ZP2: variants seen among roughly 807,000 people sequenced by gnomAD.
ZP2 encodes the protein zona pellucida glycoprotein 2, also known as zona pellucida sperm-binding protein 2.
ZP2 carries 51 observed loss-of-function variants against 84.0 expected under a neutral mutation model. That is an observed-to-expected ratio of 0.61 (90% CI 0.49 to 0.77). The LOEUF is 0.77. ZP2 is among the 30% of genes least tolerant of loss of function. The pLI is 0.00. For synonymous variants in ZP2, 375 were observed against 330.9 expected (o/e 1.13, Z -1.45); for missense variants, 909 against 911.9 (o/e 1.00, Z 0.04).
At position 21,211,459 on chromosome 16, in the gene ZP2, C is replaced by G. The variant is rs575632349; in HGVS notation, c.62+27G>C. On this transcript the variant is annotated intron_variant, in intron 1 of 18. Coordinates refer to ENST00000574091, the MANE Select transcript of ZP2 (RefSeq NM_001376232.1). ...TTTAACAAACAAAGCTACCATACCC[C>G]CTCCCTCCACTTCCAGAATTACTCA... 2.4e-5 allele frequency: 38 copies of G among 1,613,880 alleles called. No individual in the cohort carries two copies. In the African/African-American group the frequency reaches 3.6e-4, roughly 15 times the overall value.
intron 17 of ZP2, 145 bp from the exon 18 acceptor site, chr16:21,197,994 T>C: frequency 1.4e-6 from 1 of 702,242 alleles, no homozygotes; most frequent in Non-Finnish European, 2.5e-6. Context: ...AATACACACT[T>C]AAGTTTGGCC....
intron 16 of ZP2, 27 bp downstream of exon 16, chr16:21,199,541 TCA>T: frequency 1.3e-6 from 2 of 1,535,132 alleles, no homozygotes; most frequent in South Asian, 1.3e-5. Context: ...TGAATTAGAC[TCA>T]CAGAAACAGG....
At position 21,206,783 on chromosome 16, in the gene ZP2, TCATATTCCCCCTGCAGTAGC is replaced by T. The variant is rs2093251680; in HGVS notation, c.483+35_483+54del. 5 of 1,607,910 alleles carry T rather than the reference TCATATTCCCCCTGCAGTAGC, an allele frequency of 3.1e-6. No individual in the cohort carries two copies. In the South Asian group the frequency reaches 5.5e-5, roughly 18 times the overall value. ...AAGCCCCGCCCTGGTTAGATCATCA[TCATATTCCCCCTGCAGTAGC>T]CATATACCCCGAGCAGTCAGCCCGT... is the stretch of plus-strand genomic sequence containing the variant. On this transcript the variant is annotated intron_variant, in intron 5 of 18. Coordinates refer to ENST00000574091, the MANE Select transcript of ZP2 (RefSeq NM_001376232.1).
At chr16:21,205,672 T>G in intron 6 of ZP2, 59 bp downstream of exon 6, 1 of 1,613,050 alleles carries the variant, frequency 6.2e-7, no homozygotes, top group Non-Finnish European at 8.5e-7. Context: ...AAAGGTAATA[T>G]CACCTTTAAC....
upstream of ZP2, among the ~76,000 whole-genome samples, chr16:21,211,929 A>ATTTT (rs35514328): frequency 2.6e-3 from 375 of 142,406 alleles, no homozygotes; most frequent in African/African-American, 8.8e-3. Context: ...ACACCACTAC[A>ATTTT]TTTTTTTTTT....
At position 21,205,749 on chromosome 16, in the gene ZP2, G is replaced by A. The variant is rs1373963993; in HGVS notation, c.510C>T (p.Gly170=). The part of the protein sequence containing the change: ...MSFSLPRVFS[G]LADDSKGTKV... ...TTCATACCTTACTGTCGTCAGCCAA[G>A]CCAGAGAAGACCCGTGGCAAGGAAA... The change falls in exon 6 of 19, where the codon GGC becomes GGT. Residue 170 remains glycine (G), a synonymous_variant. Coordinates refer to ENST00000574091, the MANE Select transcript of ZP2 (RefSeq NM_001376232.1). 1.9e-6 allele frequency: 3 copies of A among 1,614,032 alleles called. No homozygotes were observed. The highest frequency in any genetic ancestry group is 2.2e-5 in the South Asian group (2 of 91,072).
chr16:21,213,595 G>A (rs895640177), upstream of ZP2, among the ~76,000 whole-genome samples: 6 of 152,094 alleles, frequency 3.9e-5, no homozygotes, highest in South Asian at 2.1e-4. Flanking sequence ...TTTACTTAAC[G>A]AGCACCACAG....
intron 3 of ZP2, 131 bp downstream of exon 3, chr16:21,209,978 T>C: frequency 1.2e-6 from 1 of 822,282 alleles, no homozygotes; most frequent in Non-Finnish European, 2.0e-6. Flanking sequence ...AAATCAGGTA[T>C]CCCCATGGCA....
chr16:21,207,923 C>T (rs2093257937), intron 4 of ZP2, among the ~76,000 whole-genome samples: 2 of 151,362 alleles, frequency 1.3e-5, no homozygotes, highest in South Asian at 4.2e-4. Flanking sequence ...AACAAAAACA[C>T]AAAAAAAACC....
chr16:21,203,888 C>CAA (rs2093237269), intron 9 of ZP2, 142 bp downstream of exon 9: 2 of 804,154 alleles, frequency 2.5e-6, no homozygotes, highest in Non-Finnish European at 4.0e-6. Flanking sequence ...ACAAGATGAT[C>CAA]AAATGAGGCC....
At chr16:21,210,410 C>T (rs889768203) in intron 2 of ZP2, among the ~76,000 whole-genome samples, 5 of 151,994 alleles carry the variant, frequency 3.3e-5, no homozygotes, top group Admixed American at 6.6e-5. Context: ...TGAAGTGTTC[C>T]AGTAAGAAGC....
At chr16:21,201,250 G>A in intron 14 of ZP2, 119 bp downstream of exon 14, 4 of 873,786 alleles carry the variant, frequency 4.6e-6, no homozygotes, top group Admixed American at 3.3e-5. Flanking sequence ...TAGAAAACAA[G>A]GACTAAATCT....
intron 2 of ZP2, among the ~76,000 whole-genome samples, chr16:21,210,883 T>A (rs1003384018): frequency 1.7e-4 from 26 of 151,912 alleles, no homozygotes; most frequent in African/African-American, 6.3e-4. Context: ...CTGCATTTTT[T>A]TTTTTTTTTT....
At position 21,206,849 on chromosome 16, in the gene ZP2, C is replaced by T. The variant is rs1406447611; in HGVS notation, c.472G>A (p.Asp158Asn). ...CCCGTTTCACTCACAGACATGAAATCCTTCTGGCAGATTGTAGATGCTGAA... is the reference window on the plus strand; with the variant it reads ...CCCGTTTCACTCACAGACATGAAATTCTTCTGGCAGATTGTAGATGCTGAA... ...GLSASTICQK[D>N]FMSFSLPRVF... is the part of the protein sequence containing the mutation. The change falls in exon 5 of 19, where the codon GAT becomes AAT. Residue 158 changes from aspartate to asparagine, a missense_variant. Physicochemically the swap from Asp to Asn is conservative, Grantham distance 23. Transcript: ENST00000574091. 8.1e-6 allele frequency: 13 copies of T among 1,613,996 alleles called. No homozygotes were observed. Among genetic ancestry groups the T allele is most frequent in the Non-Finnish European group, 1.1e-5 (13 of 1,179,998 alleles).
intron 14 of ZP2, among the ~76,000 whole-genome samples, chr16:21,200,460 G>C (rs1474760184): frequency 6.6e-6 from 1 of 152,122 alleles, no homozygotes; most frequent in African/African-American, 2.4e-5. Flanking sequence ...AGAAGGCTTA[G>C]TAACTGAGCT....
At position 21,203,167 on chromosome 16, in the gene ZP2, C is replaced by T; in HGVS notation, c.1057G>A (p.Val353Met). ...FLLRPETVSM[V>M]IYPECLCESP... ...TCACAGAGACACTCAGGATAGATCA[C>T]CATGGATACTGTCTCTGGCCGAAGG... The change falls in exon 10 of 19, where the codon GTG becomes ATG. Residue 353 changes from valine to methionine, a missense_variant. Transcript: ENST00000574091. The T allele has an allele frequency of 6.2e-7, 1 of 1,613,912 alleles. No homozygotes were observed. Among genetic ancestry groups the T allele is most frequent in the Non-Finnish European group, 8.5e-7 (1 of 1,179,908 alleles).
Position 21,211,399 on chromosome 16 carries a change from G to T in ZP2, c.63-4C>A. On this transcript the variant is annotated splice_polypyrimidine_tract_variant and splice_region_variant and intron_variant, in intron 1 of 18. Transcript: ENST00000574091. ...GAGAGAAATCGACCTGTAGGTGCTG[G>T]AAAGAGACAGGGAGATAGTCAAGGA... 1.2e-6 allele frequency: 2 copies of T among 1,614,118 alleles called. No homozygotes were observed. Among genetic ancestry groups the T allele is most frequent in the Non-Finnish European group, 8.5e-7 (1 of 1,180,008 alleles).
chr16:21,205,049 C>T (rs2093243343), intron 7 of ZP2, among the ~76,000 whole-genome samples: 1 of 152,166 alleles, frequency 6.6e-6, no homozygotes, highest in Non-Finnish European at 1.5e-5. Flanking sequence ...GTGGTACAAT[C>T]TCGGCTCACT....
intron 9 of ZP2, chr16:21,203,746 A>T: frequency 2.0e-6 from 1 of 491,528 alleles, no homozygotes; most frequent in Non-Finnish European, 3.7e-6. Flanking sequence ...GTATTTGACA[A>T]GTAGTTGCTA....
Sources: gnomAD v4.1 joint callset for allele counts (sites outside exome capture counted in the v4.1 genomes callset) on GRCh38, gnomAD v4.1.1 for gene constraint, MANE v1.5 for transcripts, NCBI Gene and HGNC (gene_info 2026-07-23, HGNC 2026-07-21) for gene names.